The following RYR3 variants were observed in gnomAD, a reference collection of about 807,000 sequenced individuals.
RYR3 encodes brain ryanodine receptor-calcium release channel.
A neutral mutation model predicts 584.3 loss-of-function variants in RYR3; 207 were observed. The ratio of observed to expected loss-of-function variants is 0.35; its 90% confidence interval spans 0.32 to 0.40. The LOEUF is 0.40. RYR3 is among the 10% of genes least tolerant of loss of function. The pLI is 1.00. For missense variants in RYR3, 5,616 were observed against 6,089.2 expected, an observed-to-expected ratio of 0.92 and a Z score of 2.59; for synonymous variants, 2,416 against 2,248.5, an observed-to-expected ratio of 1.07 and a Z score of -2.11.
In RYR3 at chr15:33,665,021, C is replaced by T. The variant is rs750241624; in HGVS notation, c.5619+1284C>T. On this transcript the variant is annotated intron_variant, in intron 36 of 103. Transcript: ENST00000634891. ...TGGATTGACTGGAACAGATCATTTG[C>T]ACCACACAAAATGCACAAGTGTGCT... is the stretch of plus-strand genomic sequence containing the variant. Among the ~76,000 whole-genome samples, 59 of 152,280 alleles carry T rather than the reference C, an allele frequency of 3.9e-4. No homozygotes were observed. In the Middle Eastern group the frequency reaches 0.014, roughly 35 times the overall value.
chr15:33,464,757 T>G (rs2048353779), intron 1 of RYR3, among the ~76,000 whole-genome samples: 2 of 151,724 alleles, frequency 1.3e-5, no homozygotes, highest in Admixed American at 6.6e-5. Flanking sequence ...ACACTGAAGC[T>G]CCATCCTTTT....
At chr15:33,701,151 G>A in intron 42 of RYR3, 71 bp downstream of exon 42, 2 of 951,358 alleles carry the variant, frequency 2.1e-6, no homozygotes, top group South Asian at 3.0e-5. Flanking sequence ...AGGATAAGCA[G>A]ACCACGGATG....
At chr15:33,578,569 G>A (rs2058419453) in intron 12 of RYR3, among the ~76,000 whole-genome samples, 1 of 151,882 alleles carries the variant, frequency 6.6e-6, no homozygotes, top group Admixed American at 6.6e-5. Context: ...AGAACACATG[G>A]ACACAGGGAG....
intron 1 of RYR3, 152 bp from the exon 2 acceptor site, chr15:33,473,267 A>G (rs1812200455): frequency 2.2e-6 from 2 of 902,172 alleles, no homozygotes; most frequent in Admixed American, 3.4e-5. Context: ...GTGAATAAAA[A>G]ATCTCCTTCC....
intron 3 of RYR3, among the ~76,000 whole-genome samples, chr15:33,515,189 C>A (rs568791924): frequency 1.3e-5 from 2 of 152,168 alleles, no homozygotes; most frequent in Admixed American, 1.3e-4. Flanking sequence ...CATTGTGAGT[C>A]GATGAAATAG....
chr15:33,769,719 C>T (rs1187761529), intron 62 of RYR3, among the ~76,000 whole-genome samples: 1 of 152,086 alleles, frequency 6.6e-6, no homozygotes, highest in South Asian at 2.1e-4. Flanking sequence ...TTTGGGAGGC[C>T]GAGGCAGGCA....
intron 11 of RYR3, among the ~76,000 whole-genome samples, chr15:33,565,836 T>A (rs2057685632): frequency 6.6e-6 from 1 of 152,130 alleles, no homozygotes; most frequent in South Asian, 2.1e-4. Context: ...CCCAAAAAAA[T>A]TGTGTCATGA....
chr15:33,717,611 C>G (rs1390944862), intron 43 of RYR3, among the ~76,000 whole-genome samples: 1 of 152,176 alleles, frequency 6.6e-6, no homozygotes, highest in Non-Finnish European at 1.5e-5. Flanking sequence ...GAATTCCCTC[C>G]TTCTACTCTC....
chr15:33,756,494 ATATT>A, intron 59 of RYR3, 121 bp downstream of exon 59: 4 of 753,296 alleles, frequency 5.3e-6, no homozygotes, highest in Non-Finnish European at 9.0e-6. Flanking sequence ...AGGTACATGT[ATATT>A]TCTCTGTCGT....
chr15:33,513,315 A>G (rs1329881822), intron 3 of RYR3, among the ~76,000 whole-genome samples: 1 of 152,208 alleles, frequency 6.6e-6, no homozygotes, highest in Non-Finnish European at 1.5e-5. Flanking sequence ...GGTAAAGAAA[A>G]GTTAACTTGG....
chr15:33,440,661 A>G (rs1451771431), intron 1 of RYR3, among the ~76,000 whole-genome samples: 1 of 152,150 alleles, frequency 6.6e-6, no homozygotes, highest in Non-Finnish European at 1.5e-5. Context: ...TCCAACGTGG[A>G]ATTTCTATAT....
At chr15:33,419,394 A>T (rs1183495492) in intron 1 of RYR3, among the ~76,000 whole-genome samples, 1 of 152,118 alleles carries the variant, frequency 6.6e-6, no homozygotes, top group Non-Finnish European at 1.5e-5. Flanking sequence ...CAGGTGGAAA[A>T]GTTGGCTTTT....
At chr15:33,718,933 A>G (rs1333581861) in intron 43 of RYR3, among the ~76,000 whole-genome samples, 1 of 152,202 alleles carries the variant, frequency 6.6e-6, no homozygotes, top group African/African-American at 2.4e-5. Flanking sequence ...GGGCAAAACT[A>G]GTTTACCTCA....
intron 19 of RYR3, among the ~76,000 whole-genome samples, chr15:33,613,796 A>G (rs916462762): frequency 3.3e-5 from 5 of 152,214 alleles, no homozygotes; most frequent in Non-Finnish European, 5.9e-5. Context: ...TCATTTTTTA[A>G]TTGGTATTAC....
At chr15:33,584,584 G>A in intron 15 of RYR3, 94 bp downstream of exon 15, 1 of 619,058 alleles carries the variant, frequency 1.6e-6, no homozygotes, top group Non-Finnish European at 2.8e-6. Context: ...TTTTCCAATG[G>A]ATTGCAAACA....
intron 12 of RYR3, among the ~76,000 whole-genome samples, chr15:33,576,326 T>A (rs1040593212): frequency 6.6e-6 from 1 of 152,158 alleles, no homozygotes; most frequent in Non-Finnish European, 1.5e-5. Flanking sequence ...AAGAGAAAAC[T>A]TCAGGCCAAT....
At chr15:33,318,020 C>G (rs1308253441) in intron 1 of RYR3, among the ~76,000 whole-genome samples, 1 of 152,226 alleles carries the variant, frequency 6.6e-6, no homozygotes, top group Non-Finnish European at 1.5e-5. Context: ...GGAAAGCAAA[C>G]ACTCTATCCT....
At chr15:33,649,861 G>C (rs1296929284) in intron 31 of RYR3, among the ~76,000 whole-genome samples, 1 of 152,210 alleles carries the variant, frequency 6.6e-6, no homozygotes, top group Non-Finnish European at 1.5e-5. Context: ...ACCATGGCTT[G>C]TGGTTTCCAT....
Position 33,515,601 on chromosome 15 carries a change from A to G in RYR3, c.279+11863A>G, listed in dbSNP as rs187206297. 1.5e-4 allele frequency among the ~76,000 whole-genome samples: 23 copies of G among 152,324 alleles called. No homozygotes were observed. In the East Asian group the frequency reaches 4.4e-3, roughly 29 times the overall value. ...AAGTGGAGCTACCTAGGCCTCTGCTAATACTATTTATTGCATTTGCAGTTT... is the reference window on the plus strand; with the variant it reads ...AAGTGGAGCTACCTAGGCCTCTGCTGATACTATTTATTGCATTTGCAGTTT... On this transcript the variant is annotated intron_variant, in intron 3 of 103. Transcript: ENST00000634891.
Sources: gnomAD v4.1 joint callset for allele counts (sites outside exome capture counted in the v4.1 genomes callset) on GRCh38, gnomAD v4.1.1 for gene constraint, MANE v1.5 for transcripts, NCBI Gene and HGNC (gene_info 2026-07-23, HGNC 2026-07-21) for gene names.